Variants in GRIN2A observed in about 807,000 individuals in gnomAD.
GRIN2A encodes glutamate receptor ionotropic, NMDA 2A.
GRIN2A carries 22 observed loss-of-function variants against 113.4 expected under a neutral mutation model. That is an observed-to-expected ratio of 0.19 (90% confidence interval 0.14 to 0.28). The LOEUF is 0.28. GRIN2A is among the 10% of genes least tolerant of loss of function. The pLI is 1.00. For missense variants in GRIN2A, 1,502 were observed against 1,887.0 expected (o/e 0.80, Z 3.78); for synonymous variants, 827 against 738.4 (o/e 1.12, Z -1.94).
intron 11 of GRIN2A, among the ~76,000 whole-genome samples, chr16:9,787,237 A>G (rs1307259351): frequency 6.6e-6 from 1 of 151,546 alleles, no homozygotes; most frequent in East Asian, 1.9e-4. Flanking sequence ...CTGAATAGAA[A>G]CACTGAGGCT....
intron 10 of GRIN2A, chr16:9,805,514 T>G (rs2041948967): frequency 6.6e-6 from 1 of 152,154 alleles, no homozygotes; most frequent in African/African-American, 2.4e-5. Flanking sequence ...AGGAACACAT[T>G]AGCACTTGAG....
At chr16:10,165,511 CAT>C (rs58396840) in intron 2 of GRIN2A, among the ~76,000 whole-genome samples, 34,835 of 138,496 alleles carry the variant, frequency 0.25, 4,663 homozygotes, top group East Asian at 0.5. Context: ...TATATATATA[CAT>C]ATATATATAT....
intron 3 of GRIN2A, among the ~76,000 whole-genome samples, chr16:9,935,005 T>C (rs550896455): frequency 1.3e-5 from 2 of 152,238 alleles, no homozygotes; most frequent in East Asian, 3.9e-4. Context: ...AATTACTGTG[T>C]TTAAAGGCGT....
intron 2 of GRIN2A, among the ~76,000 whole-genome samples, chr16:10,098,135 A>G (rs1170140518): frequency 6.6e-6 from 1 of 152,210 alleles, no homozygotes; most frequent in East Asian, 1.9e-4. Context: ...CCCAAACAAA[A>G]GTGGGCTAAG....
chr16:9,856,495 G>A (rs576433341), intron 4 of GRIN2A, among the ~76,000 whole-genome samples: 1 of 151,936 alleles, frequency 6.6e-6, no homozygotes, highest in Admixed American at 6.6e-5. Context: ...CATGGTGGTA[G>A]GCTCCTGTAG....
At chr16:9,907,317 G>T (rs2044046250) in intron 3 of GRIN2A, among the ~76,000 whole-genome samples, 1 of 152,204 alleles carries the variant, frequency 6.6e-6, no homozygotes, top group African/African-American at 2.4e-5. Flanking sequence ...ACACAGAACA[G>T]CTTGAATGAA....
intron 2 of GRIN2A, among the ~76,000 whole-genome samples, chr16:9,942,231 A>T (rs1354475563): frequency 6.6e-6 from 1 of 152,116 alleles, no homozygotes; most frequent in Non-Finnish European, 1.5e-5. Flanking sequence ...CCTGCTCTAT[A>T]GTCATCAATA....
intron 2 of GRIN2A, among the ~76,000 whole-genome samples, chr16:10,071,472 G>T (rs1448890197): frequency 6.6e-6 from 1 of 152,330 alleles, no homozygotes; most frequent in Non-Finnish European, 1.5e-5. Context: ...TGGTTGTCCT[G>T]ATTATGTAAG....
intron 2 of GRIN2A, among the ~76,000 whole-genome samples, chr16:10,005,304 TG>T (rs1443828502): frequency 3.9e-5 from 6 of 152,346 alleles, no homozygotes; most frequent in African/African-American, 1.4e-4. Context: ...CCTTAAAAGT[TG>T]ATTTCTCTCC....
At chr16:9,810,518 C>CCTAA (rs1396701528) in intron 10 of GRIN2A, among the ~76,000 whole-genome samples, 1 of 152,134 alleles carries the variant, frequency 6.6e-6, no homozygotes, top group Non-Finnish European at 1.5e-5. Flanking sequence ...TAGGGTGGGT[C>CCTAA]CTAACTCCAA....
chr16:9,905,202 G>C (rs1425672869), intron 3 of GRIN2A, among the ~76,000 whole-genome samples: 2 of 152,166 alleles, frequency 1.3e-5, no homozygotes, highest in African/African-American at 4.8e-5. Flanking sequence ...GAGTTTAAGG[G>C]AAAGGCAGAT....
chr16:9,757,242 C>T lies in GRIN2A; in HGVS notation c.*5907G>A, dbSNP rs1900382793. 1 of 219,594 alleles carries T rather than the reference C, an allele frequency of 4.6e-6. No homozygotes were observed. Among genetic ancestry groups the T allele is most frequent in the Non-Finnish European group, 9.1e-6 (1 of 109,612 alleles). 13.6% of individuals were successfully genotyped at this position (219,594 alleles called of 1,614,324 possible). On this transcript the variant is annotated 3_prime_UTR_variant, in exon 13 of 13. Coordinates refer to ENST00000330684, the MANE Select transcript of GRIN2A (RefSeq NM_001134407.3). ...AATGTAGGAGTGTGAGTGTGTTCAC[C>T]TGGTTAGCAGCTCCTGGGTCTCCTA...
chr16:10,053,634 G>C (rs575825135), intron 2 of GRIN2A, among the ~76,000 whole-genome samples: 3 of 152,210 alleles, frequency 2.0e-5, no homozygotes, highest in African/African-American at 7.2e-5. Flanking sequence ...GGAGAAAATG[G>C]AGCCAGGATT....
At chr16:10,154,622 C>T (rs910562291) in intron 2 of GRIN2A, among the ~76,000 whole-genome samples, 2 of 152,178 alleles carry the variant, frequency 1.3e-5, no homozygotes, top group Non-Finnish European at 2.9e-5. Flanking sequence ...GACACTGTTC[C>T]TGTCCTCACT....
At chr16:9,768,301 C>T (rs1335836020) in intron 12 of GRIN2A, among the ~76,000 whole-genome samples, 1 of 152,220 alleles carries the variant, frequency 6.6e-6, no homozygotes, top group African/African-American at 2.4e-5. Context: ...ATCCGCCCGC[C>T]TGGGCCTCCC....
In GRIN2A at chr16:10,077,822, C is replaced by G. The variant is rs549396809; in HGVS notation, c.414+102176G>C. Among the ~76,000 whole-genome samples the G allele has an allele frequency of 9.9e-5, 15 of 152,254 alleles. No homozygotes were observed. In the South Asian group the frequency reaches 3.1e-3, roughly 32 times the overall value. ...TCTGCGTAGCCCACTCCCTTTGAAG[C>G]CTCTTTAGGGTCTTTATCCAAATAC... On this transcript the variant is annotated intron_variant, in intron 2 of 12. Coordinates refer to ENST00000330684, the MANE Select transcript of GRIN2A (RefSeq NM_001134407.3).
At chr16:9,937,426 C>T (rs181056504) in intron 3 of GRIN2A, among the ~76,000 whole-genome samples, 285 of 152,222 alleles carry the variant, frequency 1.9e-3, no homozygotes, top group African/African-American at 6.5e-3. Flanking sequence ...CCATGACGTG[C>T]TTATTTCACA....
Position 10,026,412 on chromosome 16 carries a change from G to C in GRIN2A, c.415-87861C>G, listed in dbSNP as rs370979701. 5.9e-5 allele frequency among the ~76,000 whole-genome samples: 9 copies of C among 152,214 alleles called. No individual in the cohort carries two copies. In the South Asian group the frequency reaches 1.5e-3, roughly 25 times the overall value. The stretch of plus-strand genomic sequence containing the variant: ...TTTATTATTGTTACTAACAGCATTA[G>C]ATGCATTTCCTTTCTCTGCATCTTG... On this transcript the variant is annotated intron_variant, in intron 2 of 12. Transcript: ENST00000330684.
intron 2 of GRIN2A, among the ~76,000 whole-genome samples, chr16:10,059,719 CGAA>C (rs1472912025): frequency 3.5e-5 from 2 of 56,824 alleles, no homozygotes; most frequent in African/African-American, 1.3e-4. Flanking sequence ...CCATCGTGAC[CGAA>C]AAAAAAAAAA....
Sources: allele counts gnomAD v4.1 joint callset (sites outside exome capture counted in the v4.1 genomes callset), GRCh38; gene constraint gnomAD v4.1.1; transcripts MANE v1.5; gene names NCBI Gene and HGNC (gene_info 2026-07-23, HGNC 2026-07-21).